Variants in CTNNA2 observed in about 807,000 individuals in gnomAD.
CTNNA2 encodes the protein catenin alpha-2.
Under a neutral mutation model 101.0 loss-of-function variants are expected in CTNNA2, and 42 were observed. The ratio of observed to expected loss-of-function variants is 0.42; its 90% CI spans 0.32 to 0.54. The LOEUF is 0.54. CTNNA2 is among the 20% of genes least tolerant of loss of function. The pLI is 0.14. For missense variants in CTNNA2, 871 were observed against 1,223.1 expected (o/e 0.71, Z 4.29); for synonymous variants, 450 against 456.4 (o/e 0.99, Z 0.18).
At chr2:80,101,992 A>C (rs1471933691) in intron 7 of CTNNA2, among the ~76,000 whole-genome samples, 1 of 152,090 alleles carries the variant, frequency 6.6e-6, no homozygotes, top group Non-Finnish European at 1.5e-5. Context: ...GATGTCTCAT[A>C]GCTGTTAATT....
At chr2:80,533,245 T>A (rs991711051) in intron 9 of CTNNA2, among the ~76,000 whole-genome samples, 1 of 152,068 alleles carries the variant, frequency 6.6e-6, no homozygotes, top group Non-Finnish European at 1.5e-5. Context: ...TTCTACTGGT[T>A]GTGTGAATGG....
chr2:80,257,898 T>A (rs1573530121), intron 7 of CTNNA2, among the ~76,000 whole-genome samples: 1 of 152,214 alleles, frequency 6.6e-6, no homozygotes, highest in Non-Finnish European at 1.5e-5. Flanking sequence ...TTTATTTGTA[T>A]TCAAAAGGCA....
intron 1 of CTNNA2, among the ~76,000 whole-genome samples, chr2:79,642,935 G>C (rs945122254): frequency 6.6e-6 from 1 of 152,030 alleles, no homozygotes; most frequent in African/African-American, 2.4e-5. Context: ...GGCTATGCCT[G>C]TAATCCCAGC....
intron 6 of CTNNA2, among the ~76,000 whole-genome samples, chr2:79,900,380 T>C (rs1208342491): frequency 6.6e-6 from 1 of 152,196 alleles, no homozygotes; most frequent in East Asian, 1.9e-4. Flanking sequence ...TGGTTTGGGA[T>C]TGTATCAGTG....
chr2:79,697,435 C>T (rs1684718319), intron 2 of CTNNA2, among the ~76,000 whole-genome samples: 1 of 152,052 alleles, frequency 6.6e-6, no homozygotes, highest in South Asian at 2.1e-4. Context: ...TCAAGTTTAG[C>T]TCCTTATAGT....
intron 7 of CTNNA2, among the ~76,000 whole-genome samples, chr2:80,225,962 C>A (rs1231469183): frequency 6.6e-6 from 1 of 152,194 alleles, no homozygotes; most frequent in Non-Finnish European, 1.5e-5. Context: ...GATCTCAATT[C>A]AGAAAGAGTG....
chr2:79,633,270 G>A (rs1679812726), intron 1 of CTNNA2, among the ~76,000 whole-genome samples: 1 of 152,086 alleles, frequency 6.6e-6, no homozygotes, highest in South Asian at 2.1e-4. Context: ...TCCCCTCATA[G>A]TCACAGATAG....
chr2:80,417,506 T>C (rs1680148412), intron 8 of CTNNA2, among the ~76,000 whole-genome samples: 1 of 151,908 alleles, frequency 6.6e-6, no homozygotes, highest in South Asian at 2.1e-4. Flanking sequence ...TTAAAAAATA[T>C]TTTTTGGATT....
intron 4 of CTNNA2, among the ~76,000 whole-genome samples, chr2:79,456,235 T>G (rs1670818908): frequency 6.6e-6 from 1 of 151,604 alleles, no homozygotes; most frequent in Admixed American, 6.6e-5. Flanking sequence ...ATATGACAAG[T>G]TAGACCTAGA....
At position 80,619,146 on chromosome 2, in the gene CTNNA2, G is replaced by C; in HGVS notation, c.2492G>C (p.Gly831Ala). 6.4e-7 allele frequency: 1 copy of C among 1,562,680 alleles called. No homozygotes were observed. Among genetic ancestry groups the C allele is most frequent in the Non-Finnish European group, 8.7e-7 (1 of 1,152,852 alleles). ...YEVDCDVIDGGRASQLSTHLP... is the reference protein window; with the variant it reads ...YEVDCDVIDGARASQLSTHLP... ...GTAGATTGTGATGTCATAGATGGGGGCAGGGCTAGTCAACTTTCTACCCAC... is the reference window on the plus strand; with the variant it reads ...GTAGATTGTGATGTCATAGATGGGGCCAGGGCTAGTCAACTTTCTACCCAC... The change falls in exon 18 of 19, where the codon GGC (glycine) becomes GCC (alanine). Residue 831 changes from glycine to alanine, a missense_variant. Physicochemically the swap from Gly to Ala is moderately conservative, Grantham distance 60. Transcript: ENST00000402739.
intron 3 of CTNNA2, among the ~76,000 whole-genome samples, chr2:79,330,087 T>C (rs995098827): frequency 6.6e-6 from 1 of 152,160 alleles, no homozygotes; most frequent in African/African-American, 2.4e-5. Context: ...GGTGTCATCG[T>C]TCACTGCCTC....
At chr2:80,602,655 A>C (rs1270010417) in intron 15 of CTNNA2, among the ~76,000 whole-genome samples, 1 of 152,122 alleles carries the variant, frequency 6.6e-6, no homozygotes, top group Non-Finnish European at 1.5e-5. Flanking sequence ...TGCGCTAATA[A>C]AAATATGTTA....
At chr2:80,559,878 T>TATCTATCTATCTATATATATATA (rs1693393440) in intron 12 of CTNNA2, among the ~76,000 whole-genome samples, 3 of 113,934 alleles carry the variant, frequency 2.6e-5, no homozygotes, top group African/African-American at 9.1e-5. Context: ...GATATCATAT[T>TATCTATCTATCTATATATATATA]TATATATATA....
chr2:79,809,219 TTTCTA>T (rs1205446889), intron 3 of CTNNA2, among the ~76,000 whole-genome samples: 1 of 152,314 alleles, frequency 6.6e-6, no homozygotes, highest in South Asian at 2.1e-4. Context: ...TTCCAAGTCT[TTTCTA>T]TTGTAAATGG....
chr2:80,399,832 G>A (rs1678391642), intron 8 of CTNNA2, among the ~76,000 whole-genome samples: 1 of 152,176 alleles, frequency 6.6e-6, no homozygotes, highest in African/African-American at 2.4e-5. Flanking sequence ...ACATTTTTCA[G>A]CATGAAATTC....
Position 79,830,104 on chromosome 2 carries a change from G to A in CTNNA2, c.299-27909G>A, listed in dbSNP as rs942147129. On this transcript the variant is annotated intron_variant, in intron 3 of 18. Transcript: ENST00000402739. The stretch of plus-strand genomic sequence containing the variant: ...GAGACGAGGGCAGGGAGCCAGCACA[G>A]CTTCTGTATGTACCTGGGAACCTCT... Among the ~76,000 whole-genome samples, 14 of 152,148 alleles carry A rather than the reference G, an allele frequency of 9.2e-5. No individual in the cohort carries two copies. In the East Asian group the frequency reaches 2.5e-3, roughly 27 times the overall value.
chr2:80,162,918 G>A lies in CTNNA2; in HGVS notation c.1057-230293G>A, dbSNP rs1704422377. The A allele has an allele frequency of 1.9e-6, 3 of 1,557,086 alleles. No homozygotes were observed. The South Asian group carries it at 3.3e-5, about 17-fold the overall frequency. On this transcript the variant is annotated intron_variant, in intron 7 of 18. Coordinates refer to ENST00000402739, the MANE Select transcript of CTNNA2 (RefSeq NM_001282597.3). ...TTCGTACCTGCTAGGAGTTGTGGAG[G>A]TAGGGCTTGAATTTCCAACATGATA...
chr2:79,503,173 A>AT (rs138038940), intron 4 of CTNNA2, among the ~76,000 whole-genome samples: 1,560 of 152,000 alleles, frequency 0.01, 25 homozygotes, highest in East Asian at 0.049. Context: ...TAGCACCAAC[A>AT]TTTTTTTTAT....
chr2:79,307,027 T>C (rs963788080), intron 2 of CTNNA2, among the ~76,000 whole-genome samples: 1 of 152,208 alleles, frequency 6.6e-6, no homozygotes. Flanking sequence ...TTTTTAGTCA[T>C]ACATATGATA....
Sources: allele counts gnomAD v4.1 joint callset (sites outside exome capture counted in the v4.1 genomes callset), GRCh38; gene constraint gnomAD v4.1.1; transcripts MANE v1.5; gene names NCBI Gene and HGNC (gene_info 2026-07-23, HGNC 2026-07-21).